AFF1: variants seen among roughly 807,000 people sequenced by gnomAD.
The protein encoded by AFF1 is ALF transcription elongation factor 1, also known as AF4/FMR2 family member 1.
A neutral mutation model predicts 121.7 loss-of-function variants in AFF1; 48 were observed. That is an observed-to-expected ratio of 0.39 (90% CI 0.31 to 0.50). The LOEUF is 0.50. Among genes scored for constraint, AFF1 ranks in the 20% least tolerant of loss-of-function variants. The probability of loss-of-function intolerance (pLI) is 0.76; values close to 1 mark genes in which losing one functional copy is unlikely to be tolerated. For missense variants in AFF1, 1,523 were observed against 1,511.7 expected (o/e 1.01, Z -0.12); for synonymous variants, 613 against 563.0 (o/e 1.09, Z -1.26).
chr4:86,966,956 T>C (rs1359866445), intron 2 of AFF1, among the ~76,000 whole-genome samples: 1 of 152,224 alleles, frequency 6.6e-6, no homozygotes, highest in African/African-American at 2.4e-5. Context: ...TCATCTCCCA[T>C]CACTACTGTC....
intron 6 of AFF1, 96 bp from the exon 7 acceptor site, chr4:87,091,696 TA>T: frequency 1.2e-6 from 1 of 813,254 alleles, no homozygotes; most frequent in Non-Finnish European, 1.9e-6. Context: ...GAAAGTTTCA[TA>T]AGACTATCCT....
chr4:87,002,183 C>G (rs959501468), intron 2 of AFF1, among the ~76,000 whole-genome samples: 1 of 149,558 alleles, frequency 6.7e-6, no homozygotes, highest in African/African-American at 2.5e-5. Flanking sequence ...ATCTCAAATT[C>G]CTGGGCCCAG....
Position 87,114,372 on chromosome 4 carries a change from G to T in AFF1, c.1539G>T (p.Glu513Asp). ...EPLETPAPEPEPPTTNKWQLD... is the reference protein window; with the variant it reads ...EPLETPAPEPDPPTTNKWQLD... ...CTTTCTTTCCTTATTTTTAGCCTGA[G>T]CCTCCAACAACAAACAAATGGCAGC... Residue 513 changes from glutamate (E) to aspartate (D), a missense_variant, in exon 12 of 21, where the codon GAG becomes GAT. By Grantham distance (45) the Glu-to-Asp change is conservative. Around this residue, in one of 5 missense-constraint regions of AFF1, gnomAD observed 905 missense variants for 842.5 expected, o/e 1.07. Transcript: ENST00000395146. The T allele has an allele frequency of 6.3e-7, 1 of 1,589,530 alleles. No individual in the cohort carries two copies. The highest frequency in any genetic ancestry group is 8.5e-7 in the Non-Finnish European group (1 of 1,173,800).
chr4:87,011,678 C>T (rs2077915482), intron 2 of AFF1, among the ~76,000 whole-genome samples: 1 of 151,896 alleles, frequency 6.6e-6, no homozygotes, highest in African/African-American at 2.4e-5. Flanking sequence ...TCACTTTTTC[C>T]TTCTTGTGAC....
Position 87,136,733 on chromosome 4 carries a change from G to C in AFF1, c.*1032G>C, listed in dbSNP as rs1019680745. The C allele has an allele frequency of 4.4e-6, 1 of 228,108 alleles. No homozygotes were observed. The highest frequency in any genetic ancestry group is 2.2e-5 in the African/African-American group (1 of 45,008). The allele number at this position is 228,108 out of a possible 1,614,324, so 14.1% of individuals were successfully genotyped here. On this transcript the variant is annotated 3_prime_UTR_variant, in exon 21 of 21. Transcript: ENST00000395146. ...TGTTGTCCAGCCAACTCAGAGTTTC[G>C]TCAGTGAACAAGAAACATGAAATCT...
At chr4:87,052,860 G>A (rs1442719686) in intron 4 of AFF1, among the ~76,000 whole-genome samples, 2 of 151,868 alleles carry the variant, frequency 1.3e-5, no homozygotes, top group Non-Finnish European at 2.9e-5. Context: ...AGTGGCCTGA[G>A]GTGAGGGGAG....
intron 1 of AFF1, among the ~76,000 whole-genome samples, chr4:86,946,259 C>T (rs1472220237): frequency 6.6e-6 from 1 of 152,186 alleles, no homozygotes; most frequent in Non-Finnish European, 1.5e-5. Context: ...CTCTGCACTC[C>T]CATTTTGCTT....
chr4:86,977,112 A>C (rs1723357879), intron 2 of AFF1, among the ~76,000 whole-genome samples: 1 of 152,206 alleles, frequency 6.6e-6, no homozygotes, highest in African/African-American at 2.4e-5. Context: ...TTTTTCAAAT[A>C]CAGTAAGTAG....
chr4:86,942,234 A>T (rs1196358595), intron 1 of AFF1, among the ~76,000 whole-genome samples: 1 of 152,162 alleles, frequency 6.6e-6, no homozygotes, highest in African/African-American at 2.4e-5. Flanking sequence ...CAAATTCTGA[A>T]ATGAGGACAA....
At position 87,089,008 on chromosome 4, in the gene AFF1, G is replaced by C. The variant is rs372447222; in HGVS notation, c.1105-976G>C. On this transcript the variant is annotated intron_variant, in intron 5 of 20. Coordinates refer to ENST00000395146, the MANE Select transcript of AFF1 (RefSeq NM_001166693.3). The stretch of plus-strand genomic sequence containing the variant: ...GATCCACCTGCCTTGGCCTCCAAAA[G>C]CTGGGATTACAGGTGTGAGCTGCTG... 1.2e-4 allele frequency among the ~76,000 whole-genome samples: 19 copies of C among 152,286 alleles called. No individual in the cohort carries two copies. In the East Asian group the frequency reaches 2.3e-3, roughly 19 times the overall value.
At chr4:87,091,462 G>A (rs995795486) in intron 6 of AFF1, among the ~76,000 whole-genome samples, 2 of 152,140 alleles carry the variant, frequency 1.3e-5, no homozygotes, top group Admixed American at 6.5e-5. Context: ...TTAAATTAAA[G>A]CACTAAGCTC....
intron 4 of AFF1, among the ~76,000 whole-genome samples, chr4:87,079,695 C>A (rs1272525464): frequency 6.6e-6 from 1 of 152,182 alleles, no homozygotes; most frequent in Non-Finnish European, 1.5e-5. Flanking sequence ...CTTAATTTCT[C>A]TAGGATTCAG....
intron 1 of AFF1, among the ~76,000 whole-genome samples, chr4:86,942,748 C>T (rs772299042): frequency 1.6e-4 from 24 of 152,184 alleles, no homozygotes; most frequent in Non-Finnish European, 2.8e-4. Flanking sequence ...TCCTCCTCTT[C>T]GTGCCTTGAA....
At chr4:87,068,272 C>G (rs1375149603) in intron 4 of AFF1, among the ~76,000 whole-genome samples, 1 of 136,798 alleles carries the variant, frequency 7.3e-6, no homozygotes, top group Non-Finnish European at 1.6e-5. Context: ...CCCCCCACTC[C>G]ATGAATAAAT....
chr4:86,973,452 TA>T (rs1723080127), intron 2 of AFF1, among the ~76,000 whole-genome samples: 2 of 152,198 alleles, frequency 1.3e-5, no homozygotes, highest in South Asian at 4.1e-4. Flanking sequence ...GTTGGTCTCT[TA>T]ATTTTTTTCC....
At chr4:87,084,708 A>T (rs1723545909) in intron 5 of AFF1, among the ~76,000 whole-genome samples, 1 of 152,232 alleles carries the variant, frequency 6.6e-6, no homozygotes, top group African/African-American at 2.4e-5. Context: ...TAGTCTTGGA[A>T]CGTAATTGAA....
chr4:87,027,784 G>GTTTTTTTTTTTTT (rs35903702), intron 2 of AFF1, among the ~76,000 whole-genome samples: 1 of 90,598 alleles, frequency 1.1e-5, no homozygotes, highest in Non-Finnish European at 2.0e-5. Context: ...TTGCTGTTGG[G>GTTTTTTTTTTTTT]TTTTTTTTTT....
At chr4:87,066,633 AG>A (rs1721375903) in intron 4 of AFF1, among the ~76,000 whole-genome samples, 1 of 152,186 alleles carries the variant, frequency 6.6e-6, no homozygotes, top group East Asian at 1.9e-4. Context: ...GACAAGGAGA[AG>A]GGTAGTACTG....
In AFF1 at chr4:87,008,915, C is replaced by T. The variant is rs114044322; in HGVS notation, c.39-37251C>T. 4.9e-3 allele frequency among the ~76,000 whole-genome samples: 751 copies of T among 152,196 alleles called. 4 individuals are homozygous for T. The highest frequency in any genetic ancestry group is 0.017 in the African/African-American group (692 of 41,506). ...GTATTTTATTTAATGTATTTAAAAA[C>T]ATTTTTCTGATAGTGCTGTTATTGT... On this transcript the variant is annotated intron_variant, in intron 2 of 20. Coordinates refer to ENST00000395146, the MANE Select transcript of AFF1 (RefSeq NM_001166693.3).
Sources: allele counts gnomAD v4.1 joint callset (sites outside exome capture counted in the v4.1 genomes callset), GRCh38; gene constraint gnomAD v4.1.1; regional missense constraint gnomAD v4.1.1; transcripts MANE v1.5; gene names NCBI Gene and HGNC (gene_info 2026-07-23, HGNC 2026-07-21).